The following NPAS2 variants were observed in gnomAD, a reference collection of about 807,000 sequenced individuals.
NPAS2 encodes the protein neuronal PAS domain protein 2, also known as neuronal PAS domain-containing protein 2.
A neutral mutation model predicts 107.5 loss-of-function variants in NPAS2; 23 were observed. That is an observed-to-expected ratio of 0.21 (90% CI 0.15 to 0.30). NPAS2 has a LOEUF of 0.30. Among genes scored for constraint, NPAS2 ranks in the 10% least tolerant of loss-of-function variants. NPAS2 has a pLI of 1.00. For synonymous variants in NPAS2, 403 were observed against 417.5 expected, an observed-to-expected ratio of 0.97 and a Z score of 0.42; for missense variants, 756 against 1,043.3, an observed-to-expected ratio of 0.72 and a Z score of 3.79.
At chr2:100,983,441 C>T (rs1558939584) in intron 16 of NPAS2, 2 of 152,692 alleles carry the variant, frequency 1.3e-5, no homozygotes, top group African/African-American at 4.8e-5. Context: ...AGCAGCTCCG[C>T]CTGGCCCTCA....
intron 2 of NPAS2, among the ~76,000 whole-genome samples, chr2:100,911,484 G>A (rs1372685881): frequency 6.6e-6 from 1 of 152,152 alleles, no homozygotes; most frequent in African/African-American, 2.4e-5. Context: ...GAGTGCAGTG[G>A]CGCAATCATG....
chr2:100,975,388 G>T, intron 13 of NPAS2, 70 bp from the exon 14 acceptor site: 1 of 1,356,778 alleles, frequency 7.4e-7, no homozygotes, highest in Admixed American at 1.9e-5. Flanking sequence ...CCACGGTCAT[G>T]GGTCCCCTCT....
At chr2:100,967,441 T>A (rs1254748892) in intron 10 of NPAS2, among the ~76,000 whole-genome samples, 18 of 151,862 alleles carry the variant, frequency 1.2e-4, no homozygotes, top group Non-Finnish European at 1.0e-4. Context: ...TTCGCCAGGA[T>A]GGTCTCGATC....
At chr2:100,941,561 CA>C (rs557497041) in intron 5 of NPAS2, among the ~76,000 whole-genome samples, 11 of 146,654 alleles carry the variant, frequency 7.5e-5, no homozygotes, top group Non-Finnish European at 1.4e-4. Flanking sequence ...AGACCTGGCT[CA>C]AAAAAAAAAT....
At position 100,831,896 on chromosome 2, in the gene NPAS2, A is replaced by G. The variant is rs552609202; in HGVS notation, c.-23+11482A>G. Reference sequence around the variant, plus strand: ...TTTACATCTCCTTCCTGGCTTTTCTATTCTCTCAAACCTGCAAACCCATAT... The same window carrying G: ...TTTACATCTCCTTCCTGGCTTTTCTGTTCTCTCAAACCTGCAAACCCATAT... On this transcript the variant is annotated intron_variant, in intron 1 of 20. Transcript: ENST00000335681. Among the ~76,000 whole-genome samples, 44 of 152,138 alleles carry G rather than the reference A, an allele frequency of 2.9e-4. No individual in the cohort carries two copies. In the South Asian group the frequency reaches 7.5e-3, roughly 26 times the overall value.
At chr2:100,929,719 C>G (rs763373967) in intron 3 of NPAS2, among the ~76,000 whole-genome samples, 30 of 152,142 alleles carry the variant, frequency 2.0e-4, no homozygotes, top group Non-Finnish European at 8.8e-5. Flanking sequence ...GGGTGGAGAG[C>G]CTTTCACCAG....
chr2:100,906,104 T>A (rs1177965957), intron 2 of NPAS2, among the ~76,000 whole-genome samples: 1 of 152,228 alleles, frequency 6.6e-6, no homozygotes, highest in Non-Finnish European at 1.5e-5. Context: ...TGCATATGTT[T>A]GCAAATTTCT....
intron 2 of NPAS2, among the ~76,000 whole-genome samples, chr2:100,916,578 A>C (rs991590284): frequency 3.3e-5 from 5 of 152,206 alleles, no homozygotes; most frequent in Non-Finnish European, 7.4e-5. Flanking sequence ...GTATACACCT[A>C]AAAACAAAGC....
At chr2:100,881,685 CAA>C (rs567511145) in intron 1 of NPAS2, among the ~76,000 whole-genome samples, 1 of 142,394 alleles carries the variant, frequency 7.0e-6, no homozygotes, top group Non-Finnish European at 1.5e-5. Context: ...GACTTCATCT[CAA>C]AAAAAAAAAA....
At chr2:100,964,205 C>T (rs753879981) in intron 8 of NPAS2, 29 bp downstream of exon 8, 30 of 1,375,872 alleles carry the variant, frequency 2.2e-5, no homozygotes, top group South Asian at 6.9e-5. Context: ...GTTCATTGTG[C>T]GGAGCTGTTA....
chr2:100,949,471 TACA>T lies in NPAS2; in HGVS notation c.594_596del (p.Asn199del), dbSNP rs1188019085. On this transcript the variant is annotated inframe_deletion, in exon 7 of 21. Transcript: ENST00000335681. ...AAAATTTGTAGGAAATTTTCGCTCTTACAACAATGGTAAGCTTTAATTGTCATA... is the reference window on the plus strand; with the variant it reads ...AAAATTTGTAGGAAATTTTCGCTCTTACAATGGTAAGCTTTAATTGTCATA... 5 of 1,565,388 alleles carry T rather than the reference TACA, an allele frequency of 3.2e-6. No individual in the cohort carries two copies. The African/African-American group carries it at 4.1e-5, about 13-fold the overall frequency.
intron 1 of NPAS2, among the ~76,000 whole-genome samples, chr2:100,864,270 T>A (rs1679116735): frequency 6.6e-6 from 1 of 152,214 alleles, no homozygotes; most frequent in African/African-American, 2.4e-5. Context: ...ATTTTGTGGT[T>A]ATTGTTTTAG....
intron 1 of NPAS2, among the ~76,000 whole-genome samples, chr2:100,886,626 G>T (rs1292774361): frequency 6.6e-6 from 1 of 152,170 alleles, no homozygotes; most frequent in African/African-American, 2.4e-5. Flanking sequence ...GGCAGAGAGG[G>T]TTAGGAACTT....
At chr2:100,982,135 C>A in intron 15 of NPAS2, 96 bp from the exon 16 acceptor site, 2 of 1,426,626 alleles carry the variant, frequency 1.4e-6, no homozygotes, top group Non-Finnish European at 1.9e-6. Flanking sequence ...GGCTAAGGGA[C>A]GGAAATGAAG....
intron 1 of NPAS2, among the ~76,000 whole-genome samples, chr2:100,857,795 A>G (rs1011317289): frequency 1.5e-4 from 18 of 120,698 alleles, no homozygotes; most frequent in Non-Finnish European, 3.1e-4. Flanking sequence ...GTTCTCACCA[A>G]ATGACTCTTT....
At chr2:100,983,840 A>G (rs377157533) in intron 16 of NPAS2, 1 of 152,222 alleles carries the variant, frequency 6.6e-6, no homozygotes, top group African/African-American at 2.4e-5. Flanking sequence ...TGGGAGCCCA[A>G]TGCTTGCCTG....
chr2:100,878,284 G>T, intron 1 of NPAS2: 1 of 985,432 alleles, frequency 1.0e-6, no homozygotes, highest in Non-Finnish European at 1.2e-6. Flanking sequence ...AGCCAGGAGT[G>T]AGGCAAGCAG....
rs77601858 is a variant in NPAS2, at chr2:100,974,828, G to T, written c.1166G>T (p.Arg389Leu). The change falls in exon 13 of 21, where the codon CGG becomes CTG. Residue 389 changes from arginine (R) to leucine (L), a missense_variant. By Grantham distance (102) the Arg-to-Leu change is moderately radical (BLOSUM62 -2). Coordinates refer to ENST00000335681, the MANE Select transcript of NPAS2 (RefSeq NM_002518.4). Reference sequence around the variant, plus strand: ...GACAAGGGCTCAAGCCTGGAACCTCGGCAGCACTTTAACACACTCGACGTG... The same window carrying T: ...GACAAGGGCTCAAGCCTGGAACCTCTGCAGCACTTTAACACACTCGACGTG... Reference protein sequence around the residue: ...LKDKGSSLEPRQHFNTLDVGA... With the variant: ...LKDKGSSLEPLQHFNTLDVGA... The T allele has an allele frequency of 8.7e-6, 14 of 1,614,058 alleles. No homozygotes were observed. The highest frequency in any genetic ancestry group is 1.2e-5 in the Non-Finnish European group (14 of 1,179,980).
chr2:100,921,593 C>A (rs913193728), intron 2 of NPAS2, among the ~76,000 whole-genome samples: 10 of 152,154 alleles, frequency 6.6e-5, no homozygotes, highest in African/African-American at 2.4e-4. Context: ...AACAGCCCAA[C>A]TGGAAAATAG....
Sources: allele counts gnomAD v4.1 joint callset (sites outside exome capture counted in the v4.1 genomes callset), GRCh38; gene constraint gnomAD v4.1.1; transcripts MANE v1.5; gene names NCBI Gene and HGNC (gene_info 2026-07-23, HGNC 2026-07-21).